The following ITGA11 variants were observed in gnomAD, a reference collection of about 807,000 sequenced individuals.
ITGA11 encodes integrin subunit alpha 11, also known as integrin alpha-11.
ITGA11 carries 97 observed loss-of-function variants against 141.9 expected under a neutral mutation model. The ratio of observed to expected loss-of-function variants is 0.68; its 90% CI spans 0.58 to 0.81. The LOEUF (loss-of-function observed/expected upper bound fraction) is 0.81. Ranked by LOEUF, ITGA11 falls within the 30% of genes least tolerant of loss-of-function variation. The pLI is 0.00. For missense variants in ITGA11, 1,387 were observed against 1,559.2 expected, an observed-to-expected ratio of 0.89 and a Z score of 1.86; for synonymous variants, 658 against 624.6, an observed-to-expected ratio of 1.05 and a Z score of -0.80.
chr15:68,312,650 G>C (rs184628162), intron 24 of ITGA11, 123 bp downstream of exon 24: 59 of 686,762 alleles, frequency 8.6e-5, no homozygotes, highest in Admixed American at 8.5e-4. Context: ...GTCGCACAGT[G>C]GGTGGGTGGC....
At chr15:68,349,490 A>G (rs952812280) in intron 9 of ITGA11, among the ~76,000 whole-genome samples, 1 of 152,184 alleles carries the variant, frequency 6.6e-6, no homozygotes, top group Non-Finnish European at 1.5e-5. Flanking sequence ...TTTTGAGGAG[A>G]AATACAGATT....
chr15:68,339,598 G>A lies in ITGA11; in HGVS notation c.1178C>T (p.Ala393Val). 6.2e-7 allele frequency: 1 copy of A among 1,613,980 alleles called. No individual in the cohort carries two copies. The highest frequency in any genetic ancestry group is 8.5e-7 in the Non-Finnish European group (1 of 1,179,882). ...CCCGGCACTCGTCTCCTTTAGCACA[G>A]CTCCATTCCAGTCATAGGCACCGAC... The part of the protein sequence containing the change: ...GAVGAYDWNG[A>V]VLKETSAGKV... Residue 393 changes from alanine to valine, a missense_variant, in exon 11 of 30, where the codon GCT becomes GTT. Physicochemically the swap from Ala to Val is moderately conservative, Grantham distance 64. Coordinates refer to ENST00000315757, the MANE Select transcript of ITGA11 (RefSeq NM_001004439.2).
intron 1 of ITGA11, among the ~76,000 whole-genome samples, chr15:68,408,821 G>T (rs556397197): frequency 2.0e-5 from 3 of 152,236 alleles, no homozygotes; most frequent in Admixed American, 6.5e-5. Flanking sequence ...TGAGAGTCAG[G>T]CCAGACATGA....
intron 2 of ITGA11, among the ~76,000 whole-genome samples, chr15:68,399,076 TA>T (rs1454705550): frequency 6.6e-6 from 1 of 151,898 alleles, no homozygotes; most frequent in African/African-American, 2.4e-5. Flanking sequence ...CAAGCTGACT[TA>T]AAAATTTATA....
rs191270637 is a variant in ITGA11, at chr15:68,365,881, G to T, written c.266-1083C>A. 7.2e-5 allele frequency among the ~76,000 whole-genome samples: 11 copies of T among 152,166 alleles called. No individual in the cohort carries two copies. The East Asian group carries it at 1.7e-3, about 24-fold the overall frequency. The stretch of plus-strand genomic sequence containing the variant: ...CTAAGGAGGCCTTGAGCAAGAATGG[G>T]TTGCATTGCACTGTGTCGGTGACTG... On this transcript the variant is annotated intron_variant, in intron 3 of 29. Coordinates refer to ENST00000315757, the MANE Select transcript of ITGA11 (RefSeq NM_001004439.2).
chr15:68,431,014 G>A (rs369470004), intron 1 of ITGA11, among the ~76,000 whole-genome samples: 3 of 152,360 alleles, frequency 2.0e-5, no homozygotes, highest in East Asian at 1.9e-4. Flanking sequence ...ACGCAGAAGG[G>A]GAGGCAAGGT....
At chr15:68,349,403 T>C (rs3784347) in intron 9 of ITGA11, among the ~76,000 whole-genome samples, 9,870 of 152,198 alleles carry the variant, frequency 0.065, 637 homozygotes, top group African/African-American at 0.16. Flanking sequence ...ATCCCATGAG[T>C]GCTGAAAGCC....
chr15:68,420,439 C>T (rs144935512), intron 1 of ITGA11, among the ~76,000 whole-genome samples: 22 of 152,272 alleles, frequency 1.4e-4, no homozygotes, highest in South Asian at 2.1e-4. Context: ...CCTTCCAGAG[C>T]CCTTCCTCCC....
chr15:68,405,572 G>C (rs1420139509), intron 1 of ITGA11, among the ~76,000 whole-genome samples: 1 of 152,176 alleles, frequency 6.6e-6, no homozygotes, highest in Non-Finnish European at 1.5e-5. Context: ...TGCCATAAAT[G>C]AACTTATCAG....
chr15:68,421,367 G>A (rs1445969530), intron 1 of ITGA11, among the ~76,000 whole-genome samples: 1 of 152,216 alleles, frequency 6.6e-6, no homozygotes, highest in Non-Finnish European at 1.5e-5. Context: ...AGGCACAGAG[G>A]AGGAAGTCAG....
chr15:68,404,101 T>C (rs775425918), intron 1 of ITGA11, among the ~76,000 whole-genome samples: 42 of 152,092 alleles, frequency 2.8e-4, no homozygotes, highest in Non-Finnish European at 5.6e-4. Context: ...TCCTCTTTTT[T>C]TTCCCTCTCA....
At position 68,335,341 on chromosome 15, in the gene ITGA11, A is replaced by G. The variant is rs1016798006; in HGVS notation, c.1425+356T>C. On this transcript the variant is annotated intron_variant, in intron 12 of 29. Transcript: ENST00000315757. The surrounding 1 kb of genome is among the most constrained non-coding windows in gnomAD (Gnocchi z 4.9). ...TTGGGATTGGAGCCCTGTTTTCACC[A>G]CCAATGACTCTTATAGCTTTCCAAT... Among the ~76,000 whole-genome samples, 2 of 152,166 alleles carry G rather than the reference A, an allele frequency of 1.3e-5. No homozygotes were observed. Among genetic ancestry groups the G allele is most frequent in the African/African-American group, 4.8e-5 (2 of 41,424 alleles).
Position 68,325,287 on chromosome 15 carries a change from AT to A in ITGA11, c.2212-47del. On this transcript the variant is annotated intron_variant, in intron 17 of 29. Transcript: ENST00000315757. This position sits in a 1 kb window ranked among gnomAD's most constrained non-coding sequence, Gnocchi z 5.5. ...CAGCGGTGAGGGAGGAGAGAACGTC[AT>A]TTTATGAGCCAGGACCGTGGATGCT... is the stretch of plus-strand genomic sequence containing the variant. 1 of 1,298,944 alleles carries A rather than the reference AT, an allele frequency of 7.7e-7. No individual in the cohort carries two copies. Among genetic ancestry groups the A allele is most frequent in the Non-Finnish European group, 1.1e-6 (1 of 893,254 alleles). The allele number at this position is 1,298,944 out of a possible 1,614,324, so 80.5% of individuals were successfully genotyped here.
At chr15:68,395,289 C>T (rs1444702486) in intron 2 of ITGA11, among the ~76,000 whole-genome samples, 1 of 152,160 alleles carries the variant, frequency 6.6e-6, no homozygotes, top group Non-Finnish European at 1.5e-5. Flanking sequence ...GATCGCAGAT[C>T]CTCACCAGCA....
At chr15:68,402,545 C>A (rs998389929) in intron 2 of ITGA11, among the ~76,000 whole-genome samples, 1 of 151,990 alleles carries the variant, frequency 6.6e-6, no homozygotes, top group Non-Finnish European at 1.5e-5. Context: ...GCCTGGGTTT[C>A]AGCTAGAGAG....
chr15:68,398,668 T>C (rs1042163546), intron 2 of ITGA11, among the ~76,000 whole-genome samples: 56 of 148,084 alleles, frequency 3.8e-4, no homozygotes, highest in African/African-American at 1.4e-3. Context: ...AATATTTTAT[T>C]TCTAATAGCA....
chr15:68,312,960 C>CG, intron 23 of ITGA11, 97 bp from the exon 24 acceptor site: 1 of 843,812 alleles, frequency 1.2e-6, no homozygotes, highest in South Asian at 1.5e-5. Context: ...CGGCCTCCCC[C>CG]GGGCCACGAA....
At chr15:68,378,045 A>G (rs917990505) in intron 2 of ITGA11, among the ~76,000 whole-genome samples, 9 of 152,194 alleles carry the variant, frequency 5.9e-5, no homozygotes, top group Non-Finnish European at 1.2e-4. Context: ...AGGAGTGGCC[A>G]TTTGCAGGGC....
rs892808443 is a variant in ITGA11, at chr15:68,331,037, A to T, written c.1845T>A (p.Asn615Lys). 1.2e-6 allele frequency: 2 copies of T among 1,612,932 alleles called. No individual in the cohort carries two copies. Among genetic ancestry groups the T allele is most frequent in the Non-Finnish European group, 1.7e-6 (2 of 1,179,532 alleles). Reference sequence around the variant, plus strand: ...CTGCCAGGTCGATGAGCCCATCCTCATTGAGGTCCAATTGCCCGTGGATGC... The same window carrying T: ...CTGCCAGGTCGATGAGCCCATCCTCTTTGAGGTCCAATTGCCCGTGGATGC... ...GCSIHGQLDL[N>K]EDGLIDLAVG... The change falls in exon 15 of 30, where the codon AAT becomes AAA. Residue 615 changes from asparagine to lysine, a missense_variant. Coordinates refer to ENST00000315757, the MANE Select transcript of ITGA11 (RefSeq NM_001004439.2).
Sources: allele counts gnomAD v4.1 joint callset (sites outside exome capture counted in the v4.1 genomes callset), GRCh38; gene constraint gnomAD v4.1.1; non-coding constraint Gnocchi (gnomAD v3.1); transcripts MANE v1.5; gene names NCBI Gene and HGNC (gene_info 2026-07-23, HGNC 2026-07-21).